The following ZNF45 variants were observed in gnomAD, a reference collection of about 807,000 sequenced individuals.
ZNF45 encodes BRC1744.
ZNF45 carries 4 observed loss-of-function variants against 12.0 expected under a neutral mutation model. The ratio of observed to expected loss-of-function variants is 0.33; its 90% CI spans 0.16 to 0.76. ZNF45 has a LOEUF of 0.76. Among genes scored for constraint, ZNF45 ranks in the 30% least tolerant of loss-of-function variants. The pLI is 0.60. For synonymous variants in ZNF45, 272 were observed against 279.6 expected (o/e 0.97, Z 0.27); for missense variants, 700 against 813.0 (o/e 0.86, Z 1.69).
rs577192187 is a variant in ZNF45, at chr19:43,924,229, C to T, written c.-33+9G>A. Reference sequence around the variant, plus strand: ...CACATGATGTTTCATTAAGGTACTTCACACATACCTGTGAAGAAGCTACTG... The same window carrying T: ...CACATGATGTTTCATTAAGGTACTTTACACATACCTGTGAAGAAGCTACTG... On this transcript the variant is annotated intron_variant, in intron 6 of 9. Coordinates refer to ENST00000269973, the MANE Select transcript of ZNF45 (RefSeq NM_003425.4). The T allele has an allele frequency of 6.6e-6, 1 of 152,322 alleles. No individual in the cohort carries two copies. Among genetic ancestry groups the T allele is most frequent in the African/African-American group, 2.4e-5 (1 of 41,566 alleles). 9.4% of individuals were successfully genotyped at this position (152,322 alleles called of 1,614,324 possible).
intron 4 of ZNF45, chr19:43,925,023 TG>T (rs1436141771): frequency 2.0e-5 from 3 of 152,156 alleles, no homozygotes; most frequent in Non-Finnish European, 4.4e-5. Context: ...CCTAATGTGA[TG>T]TTATTGGGAG....
Position 43,914,167 on chromosome 19 carries a change from C to T in ZNF45, c.1269G>A (p.Lys423=). 1 of 1,608,754 alleles carries T rather than the reference C, an allele frequency of 6.2e-7. No homozygotes were observed. Among genetic ancestry groups the T allele is most frequent in the Non-Finnish European group, 8.5e-7 (1 of 1,175,920 alleles). ...EKPYQCDACG[K]GFSRSSDFNI... ...TAAAATCTGAGCTACGACTGAAGCC[C>T]TTACCACATGCATCACACTGATACG... Residue 423 remains lysine (K), a synonymous_variant, in exon 10 of 10, where the codon AAG becomes AAA. Transcript: ENST00000269973.
intron 9 of ZNF45, among the ~76,000 whole-genome samples, chr19:43,917,087 T>C (rs1239964672): frequency 6.6e-6 from 1 of 152,202 alleles, no homozygotes; most frequent in Non-Finnish European, 1.5e-5. Flanking sequence ...CCATTGTTTT[T>C]CAAACTGAAG....
chr19:43,922,177 C>T lies in ZNF45; in HGVS notation c.9G>A (p.Lys3=). The part of the protein sequence containing the change: MT[K]SKEAVTFKDV... ...AAAGGGAGGTCCAACTCACCTTAGA[C>T]TTCGTCATTTTGTCCTCCTCCTTCT... Residue 3 remains lysine, a synonymous_variant, in exon 7 of 10, where the codon AAG becomes AAA. Coordinates refer to ENST00000269973, the MANE Select transcript of ZNF45 (RefSeq NM_003425.4). 4.3e-6 allele frequency: 7 copies of T among 1,609,974 alleles called. No homozygotes were observed. The highest frequency in any genetic ancestry group is 5.9e-6 in the Non-Finnish European group (7 of 1,177,184).
chr19:43,934,963 G>A lies in ZNF45; in HGVS notation c.-795C>T, dbSNP rs1974393881. 2 of 152,308 alleles carry A rather than the reference G, an allele frequency of 1.3e-5. No homozygotes were observed. The highest frequency in any genetic ancestry group is 4.1e-4 in the South Asian group (2 of 4,836). 9.4% of individuals were successfully genotyped at this position (152,308 alleles called of 1,614,324 possible). A position where few individuals can be genotyped will look rare whatever the true frequency, so the allele number is the denominator to read the frequency against. On this transcript the variant is annotated 5_prime_UTR_variant, in exon 1 of 10. Coordinates refer to ENST00000269973, the MANE Select transcript of ZNF45 (RefSeq NM_003425.4). ...CTAGGAAGCTACAGAGCTGTGGGAG[G>A]TGGGGGAAGGCGGGTCGGGCCGCTG... is the stretch of plus-strand genomic sequence containing the variant.
At chr19:43,925,881 CCTTGGCCTCCCA>C (rs1344348659) in intron 3 of ZNF45, among the ~76,000 whole-genome samples, 226 of 152,336 alleles carry the variant, frequency 1.5e-3, no homozygotes, top group Non-Finnish European at 2.8e-3. Context: ...GATCCACCCG[CCTTGGCCTCCCA>C]AAGTGCTGGG....
chr19:43,921,314 T>C (rs1200257779), intron 7 of ZNF45, among the ~76,000 whole-genome samples: 2 of 152,204 alleles, frequency 1.3e-5, no homozygotes, highest in Admixed American at 6.5e-5. Context: ...AAGAGAAGTA[T>C]CTGGTAAGTC....
chr19:43,928,180 T>C (rs1329792133), intron 3 of ZNF45, among the ~76,000 whole-genome samples: 3 of 26,368 alleles, frequency 1.1e-4, no homozygotes, highest in African/African-American at 2.7e-4. Flanking sequence ...AAACTCTGTC[T>C]CAAAAAAAAA....
At position 43,914,466 on chromosome 19, in the gene ZNF45, G is replaced by A. The variant is rs373069300; in HGVS notation, c.970C>T (p.Arg324Ter). The A allele has an allele frequency of 1.1e-5, 18 of 1,612,088 alleles. No homozygotes were observed. The highest frequency in any genetic ancestry group is 1.0e-4 in the Admixed American group (6 of 59,876). The change falls in exon 10 of 10, where the codon CGA becomes TGA. Residue 324 changes from arginine (R) to a stop codon, truncating the protein, a stop_gained. Coordinates refer to ENST00000269973, the MANE Select transcript of ZNF45 (RefSeq NM_003425.4). LOFTEE classifies it low-confidence loss of function (END_TRUNC). Reference protein sequence around the residue: ...SWRSRLQAHERIHTGEKPYKC... With the variant: ...SWRSRLQAHE ...TATGGTTTCTCGCCAGTGTGGATTC[G>A]CTCATGAGCCTGCAGTCGTGAACGC... is the stretch of plus-strand genomic sequence containing the variant.
Position 43,916,447 on chromosome 19 carries a change from T to C in ZNF45, c.236-1247A>G, listed in dbSNP as rs181912539. ...TGCCTCTTTATCACTCAATATCAGA[T>C]AGTAAATTCTCCCCATCTACATTAC... On this transcript the variant is annotated intron_variant, in intron 9 of 9. Coordinates refer to ENST00000269973, the MANE Select transcript of ZNF45 (RefSeq NM_003425.4). Among the ~76,000 whole-genome samples the C allele has an allele frequency of 5.5e-4, 83 of 152,270 alleles. 1 individual carries two copies. The highest frequency in any genetic ancestry group is 6.8e-3 in the Middle Eastern group (2 of 294).
rs922385213 is a variant in ZNF45, at chr19:43,914,807, T to A, written c.629A>T (p.His210Leu). ...TTTTGCTCTACTGTGGACTCTCTGATGGGCTTGAAGACTTGAAAACCGACG... is the reference window on the plus strand; with the variant it reads ...TTTTGCTCTACTGTGGACTCTCTGAAGGGCTTGAAGACTTGAAAACCGACG... The part of the protein sequence containing the change: ...AFRRFSSLQA[H>L]QRVHSRAKSY... Residue 210 changes from histidine (H) to leucine (L), a missense_variant, in exon 10 of 10, where the codon CAT becomes CTT. Coordinates refer to ENST00000269973, the MANE Select transcript of ZNF45 (RefSeq NM_003425.4). The A allele has an allele frequency of 6.8e-6, 11 of 1,613,704 alleles. No homozygotes were observed. Among genetic ancestry groups the A allele is most frequent in the Non-Finnish European group, 9.3e-6 (11 of 1,179,740 alleles).
chr19:43,919,856 T>C lies in ZNF45; in HGVS notation c.16-157A>G, dbSNP rs1972988128. 2.7e-5 allele frequency: 19 copies of C among 709,034 alleles called. No homozygotes were observed. In the South Asian group the frequency reaches 4.1e-4, roughly 15 times the overall value. The allele number at this position is 709,034 out of a possible 1,614,324, so 43.9% of individuals were successfully genotyped here. ...ACAGTTAAACACATATAAAGTGTAT[T>C]ATATTTTAGGTTTTTCCTTTTCATA... On this transcript the variant is annotated intron_variant, in intron 7 of 9. Transcript: ENST00000269973.
rs762248584 is a variant in ZNF45 at position 43,913,712 on chromosome 19, C to T, written c.1724G>A (p.Arg575His). ...FCRASNFLAHRGVHTGEKPYR... is the reference protein window; with the variant it reads ...FCRASNFLAHHGVHTGEKPYR... ...TGGTTTTTCTCCTGTGTGGACTCCACGATGTGCCAGAAAATTGGAGGCCCG... is the reference window on the plus strand; with the variant it reads ...TGGTTTTTCTCCTGTGTGGACTCCATGATGTGCCAGAAAATTGGAGGCCCG... The change falls in exon 10 of 10, where the codon CGT becomes CAT. Residue 575 changes from arginine (R) to histidine (H), a missense_variant. By Grantham distance (29) the Arg-to-His change is conservative. Coordinates refer to ENST00000269973, the MANE Select transcript of ZNF45 (RefSeq NM_003425.4). 31 of 1,611,016 alleles carry T rather than the reference C, an allele frequency of 1.9e-5. No individual in the cohort carries two copies. Among genetic ancestry groups the T allele is most frequent in the African/African-American group, 4.1e-5 (3 of 73,712 alleles).
rs907597317 is a variant in ZNF45, at chr19:43,932,623, T to C, written c.-419A>G. 1 of 152,214 alleles carries C rather than the reference T, an allele frequency of 6.6e-6. No individual in the cohort carries two copies. Among genetic ancestry groups the C allele is most frequent in the Non-Finnish European group, 1.5e-5 (1 of 68,052 alleles). The allele number at this position is 152,214 out of a possible 1,614,324, so 9.4% of individuals were successfully genotyped here. A position where few individuals can be genotyped will look rare whatever the true frequency, so the allele number is the denominator to read the frequency against. On this transcript the variant is annotated 5_prime_UTR_variant, in exon 3 of 10. Transcript: ENST00000269973. The stretch of plus-strand genomic sequence containing the variant: ...ACTTACTCACTGAATAACTCCTCTT[T>C]GCAAACCTCTTGCTGGGTACTCTTG...
intron 3 of ZNF45, among the ~76,000 whole-genome samples, chr19:43,929,342 C>T (rs557575344): frequency 8.5e-5 from 13 of 152,226 alleles, no homozygotes; most frequent in Non-Finnish European, 1.8e-4. Flanking sequence ...CCTAGTTCCT[C>T]GTGTGTTAAC....
chr19:43,914,895 T>C lies in ZNF45; in HGVS notation c.541A>G (p.Ile181Val), dbSNP rs368720011. The C allele has an allele frequency of 6.2e-7, 1 of 1,612,782 alleles. No individual in the cohort carries two copies. The highest frequency in any genetic ancestry group is 8.5e-7 in the Non-Finnish European group (1 of 1,178,902). The change falls in exon 10 of 10, where the codon ATT becomes GTT. Residue 181 changes from isoleucine (I) to valine (V), a missense_variant. By Grantham distance (29) the Ile-to-Val change is conservative. Transcript: ENST00000269973. ...KSFSWSSHLQ[I>V]NQRAHAGEKP... ...TCTCCTGCATGAGCCCTTTGGTTAA[T>C]TTGAAGATGAGAGCTCCAGCTGAAA...
In ZNF45 at chr19:43,915,019, G is replaced by A. The variant is rs749915900; in HGVS notation, c.417C>T (p.His139=). 8.7e-6 allele frequency: 14 copies of A among 1,611,130 alleles called. No individual in the cohort carries two copies. In the African/African-American group the frequency reaches 1.5e-4, roughly 17 times the overall value. The change falls in exon 10 of 10, where the codon CAC becomes CAT. Residue 139 remains histidine (H), a synonymous_variant. Transcript: ENST00000269973. ...GATTACTGAATCCCTCATCTTTATAGTGCAAATCATCTCGTTTTTCCAACT... is the reference window on the plus strand; with the variant it reads ...GATTACTGAATCCCTCATCTTTATAATGCAAATCATCTCGTTTTTCCAACT... ...GCQLEKRDDL[H]YKDEGFSNQS...
intron 7 of ZNF45, among the ~76,000 whole-genome samples, chr19:43,921,647 G>GA (rs960987825): frequency 6.6e-6 from 1 of 151,938 alleles, no homozygotes; most frequent in Admixed American, 6.5e-5. Flanking sequence ...TTGCTTTTTG[G>GA]AAAAAATGGT....
chr19:43,928,728 G>A (rs896864230), intron 3 of ZNF45, among the ~76,000 whole-genome samples: 8 of 152,100 alleles, frequency 5.3e-5, no homozygotes, highest in African/African-American at 1.9e-4. Context: ...AACTAAAGAA[G>A]GTAAAAACAA....
Sources: allele counts gnomAD v4.1 joint callset (sites outside exome capture counted in the v4.1 genomes callset), GRCh38; gene constraint gnomAD v4.1.1; transcripts MANE v1.5; gene names NCBI Gene and HGNC (gene_info 2026-07-23, HGNC 2026-07-21).